The following GTF2I variants were observed in gnomAD, a reference collection of about 807,000 sequenced individuals.
The protein encoded by GTF2I is general transcription factor IIi.
Under a neutral mutation model 67.6 loss-of-function variants are expected in GTF2I, and 12 were observed. The observed-to-expected ratio is 0.18, with a 90% CI of 0.11 to 0.29. The LOEUF (loss-of-function observed/expected upper bound fraction) is 0.29, where lower values mean the gene tolerates loss of function less well. GTF2I is among the 10% of genes least tolerant of loss of function. The pLI, the probability that GTF2I is intolerant of heterozygous loss-of-function variation, is 1.00. For synonymous variants in GTF2I, 149 were observed against 197.0 expected (o/e 0.76, Z 2.04); for missense variants, 271 against 580.1 (o/e 0.47, Z 5.47).
At chr7:74,700,578 A>G (rs1554399623) in intron 5 of GTF2I, 28 bp from the exon 6 acceptor site, 3 of 1,611,946 alleles carry the variant, frequency 1.9e-6, no homozygotes, top group African/African-American at 1.3e-5. Context: ...ATTCATACGA[A>G]GTTTTGTTTT....
chr7:74,673,049 A>G (rs1554391204), intron 1 of GTF2I, among the ~76,000 whole-genome samples: 1 of 152,040 alleles, frequency 6.6e-6, no homozygotes, highest in Non-Finnish European at 1.5e-5. Context: ...TTTAGTAAAG[A>G]TGGGGTATCA....
At chr7:74,674,335 G>A (rs587668254) in intron 1 of GTF2I, among the ~76,000 whole-genome samples, 1 of 152,096 alleles carries the variant, frequency 6.6e-6, no homozygotes, top group African/African-American at 2.4e-5. Flanking sequence ...CAAAGTGTTG[G>A]GATTTCAGAG....
intron 14 of GTF2I, among the ~76,000 whole-genome samples, chr7:74,730,713 CTTTTTTTTTTTT>C (rs869183139): frequency 3.1e-5 from 2 of 63,918 alleles, no homozygotes; most frequent in Non-Finnish European, 5.4e-5. Flanking sequence ...CTACTTTTAT[CTTTTTTTTTTTT>C]TTTTTTTTTT....
At chr7:74,681,587 A>G (rs1029593706) in intron 1 of GTF2I, among the ~76,000 whole-genome samples, 2 of 152,200 alleles carry the variant, frequency 1.3e-5, no homozygotes, top group Non-Finnish European at 2.9e-5. Flanking sequence ...GGGTAGGCTC[A>G]TGACACATAT....
chr7:74,679,197 GC>G (rs1241375142), intron 1 of GTF2I, among the ~76,000 whole-genome samples: 5 of 151,832 alleles, frequency 3.3e-5, no homozygotes, highest in Non-Finnish European at 5.9e-5. Context: ...TCCTGCCTCA[GC>G]CTCCTGAGTA....
intron 1 of GTF2I, among the ~76,000 whole-genome samples, chr7:74,668,097 G>T (rs1049854742): frequency 6.6e-6 from 1 of 151,246 alleles, no homozygotes; most frequent in Admixed American, 6.6e-5. Flanking sequence ...CTCCCAAAGT[G>T]CTGGGATTAC....
intron 14 of GTF2I, among the ~76,000 whole-genome samples, chr7:74,731,087 C>T (rs1400385060): frequency 6.6e-6 from 1 of 151,184 alleles, no homozygotes; most frequent in Non-Finnish European, 1.5e-5. Flanking sequence ...TGTCCTATAG[C>T]CACCTTTATA....
At chr7:74,697,026 A>G (rs889458588) in intron 3 of GTF2I, among the ~76,000 whole-genome samples, 6 of 151,778 alleles carry the variant, frequency 4.0e-5, no homozygotes, top group African/African-American at 1.5e-4. Context: ...AAAAATAAAG[A>G]AAAACAAGTG....
chr7:74,673,868 A>G (rs1363253046), intron 1 of GTF2I, among the ~76,000 whole-genome samples: 1 of 151,442 alleles, frequency 6.6e-6, no homozygotes, highest in East Asian at 1.9e-4. Context: ...TTTAGTAGAG[A>G]CAGGGTTTCA....
chr7:74,686,549 C>T (rs1787739816), intron 1 of GTF2I, among the ~76,000 whole-genome samples: 1 of 152,182 alleles, frequency 6.6e-6, no homozygotes, highest in African/African-American at 2.4e-5. Context: ...TGAAGAAATA[C>T]TATGAATTTT....
chr7:74,688,735 T>C (rs1410615265), intron 1 of GTF2I, among the ~76,000 whole-genome samples: 3 of 152,160 alleles, frequency 2.0e-5, no homozygotes, highest in African/African-American at 7.2e-5. Flanking sequence ...ACCCACTCTT[T>C]TGTGTGTCAG....
chr7:74,750,272 A>G, intron 26 of GTF2I, among the ~76,000 whole-genome samples: 1 of 108,992 alleles, frequency 9.2e-6, no homozygotes, highest in Non-Finnish European at 2.1e-5. Flanking sequence ...TCTCTACTTA[A>G]AATACAAAAA....
At chr7:74,694,696 T>C (rs1401481546) in intron 3 of GTF2I, among the ~76,000 whole-genome samples, 7 of 152,200 alleles carry the variant, frequency 4.6e-5, no homozygotes, top group African/African-American at 1.2e-4. Context: ...CTGAGGTAAT[T>C]CATGAAGATG....
At chr7:74,708,495 G>A (rs1043272459) in intron 8 of GTF2I, among the ~76,000 whole-genome samples, 1 of 152,174 alleles carries the variant, frequency 6.6e-6, no homozygotes, top group Admixed American at 6.5e-5. Flanking sequence ...TGGTGAGGCT[G>A]CTTCTGGTAG....
chr7:74,723,819 T>G (rs1793417972), intron 12 of GTF2I, among the ~76,000 whole-genome samples: 1 of 151,510 alleles, frequency 6.6e-6, no homozygotes, highest in South Asian at 2.1e-4. Context: ...GTCCTTCACT[T>G]CTAGGAAACG....
At chr7:74,700,516 T>G in intron 5 of GTF2I, 86 bp downstream of exon 5, 2 of 1,595,670 alleles carry the variant, frequency 1.3e-6, no homozygotes, top group South Asian at 2.2e-5. Flanking sequence ...TTTTTAAAAT[T>G]CATATTTAAC....
rs111920574 is a variant in GTF2I at position 74,707,180 on chromosome 7, C to T, written c.685+747C>T. Among the ~76,000 whole-genome samples, 120 of 152,312 alleles carry T rather than the reference C, an allele frequency of 7.9e-4. 1 individual carries two copies. In the South Asian group the frequency reaches 0.021, roughly 27 times the overall value. On this transcript the variant is annotated intron_variant, in intron 8 of 34. Coordinates refer to ENST00000573035, the MANE Select transcript of GTF2I (RefSeq NM_032999.4). ...TTATAATTCTGTTCTGTCCTAGAAC[C>T]GTGGCACCCAGATGTTCTCAGCATA...
chr7:74,688,674 A>G (rs1787962389), intron 1 of GTF2I, among the ~76,000 whole-genome samples: 1 of 152,050 alleles, frequency 6.6e-6, no homozygotes, highest in African/African-American at 2.4e-5. Flanking sequence ...CCTGTGATCT[A>G]TTTTCTTAGT....
chr7:74,685,881 G>A (rs587673637), intron 1 of GTF2I, among the ~76,000 whole-genome samples: 4 of 148,400 alleles, frequency 2.7e-5, no homozygotes, highest in East Asian at 4.2e-4. Flanking sequence ...GTGAAAACCC[G>A]TCTCTACTAA....
Sources: allele counts gnomAD v4.1 joint callset (sites outside exome capture counted in the v4.1 genomes callset), GRCh38; gene constraint gnomAD v4.1.1; transcripts MANE v1.5; gene names NCBI Gene and HGNC (gene_info 2026-07-23, HGNC 2026-07-21).